APBA1: variants seen among roughly 807,000 people sequenced by gnomAD.
APBA1 encodes amyloid-beta A4 precursor protein-binding family A member 1.
Under a neutral mutation model 86.6 loss-of-function variants are expected in APBA1, and 55 were observed. The observed-to-expected ratio is 0.64, with a 90% confidence interval of 0.51 to 0.80. APBA1 has a LOEUF of 0.80. Among genes scored for constraint, APBA1 ranks in the 30% least tolerant of loss-of-function variants. APBA1 has a pLI of 0.00. For synonymous variants in APBA1, 511 were observed against 493.9 expected (o/e 1.03, Z -0.46); for missense variants, 1,090 against 1,183.0 (o/e 0.92, Z 1.15).
chr9:69,666,161 AT>A (rs1328655325), intron 1 of APBA1, among the ~76,000 whole-genome samples: 8 of 152,256 alleles, frequency 5.3e-5, no homozygotes, highest in African/African-American at 1.4e-4. Flanking sequence ...AAAGCATTTT[AT>A]TGTGAATTCC....
At chr9:69,496,843 C>T (rs1835806369) in intron 2 of APBA1, among the ~76,000 whole-genome samples, 1 of 152,018 alleles carries the variant, frequency 6.6e-6, no homozygotes, top group East Asian at 1.9e-4. Context: ...CAGCCATTTC[C>T]CCCATTATCA....
chr9:69,547,080 T>G (rs1330329), intron 1 of APBA1, among the ~76,000 whole-genome samples: 124,004 of 152,186 alleles, frequency 0.81, 50,636 homozygotes, highest in East Asian at 0.91. Flanking sequence ...AGTCTTTAGA[T>G]TGAGAATCAA....
chr9:69,612,730 T>C (rs185881479), intron 1 of APBA1, among the ~76,000 whole-genome samples: 12 of 151,930 alleles, frequency 7.9e-5, no homozygotes, highest in Middle Eastern at 3.4e-3. Flanking sequence ...GTGAGAAAAA[T>C]TGTAAGAAAA....
At chr9:69,546,450 G>T (rs771082201) in intron 1 of APBA1, among the ~76,000 whole-genome samples, 5 of 152,168 alleles carry the variant, frequency 3.3e-5, no homozygotes, top group Non-Finnish European at 5.9e-5. Flanking sequence ...AAGAAAACTG[G>T]AGGGAGTAAG....
At chr9:69,524,103 A>G (rs1437956331) in intron 1 of APBA1, among the ~76,000 whole-genome samples, 1 of 152,180 alleles carries the variant, frequency 6.6e-6, no homozygotes, top group African/African-American at 2.4e-5. Flanking sequence ...AGGAGAGTTT[A>G]TAGTGCTAAA....
At position 69,476,276 on chromosome 9, in the gene APBA1, T is replaced by C. The variant is rs530389526; in HGVS notation, c.1201-133A>G. Reference sequence around the variant, plus strand: ...GACACTGCAGTGGGGAGAAAACCTCTTAAAAAGGAGCTGCCAACTGTACAT... The same window carrying C: ...GACACTGCAGTGGGGAGAAAACCTCCTAAAAAGGAGCTGCCAACTGTACAT... On this transcript the variant is annotated intron_variant, in intron 2 of 12. Coordinates refer to ENST00000265381, the MANE Select transcript of APBA1 (RefSeq NM_001163.4). 6.5e-6 allele frequency: 4 copies of C among 611,858 alleles called. No homozygotes were observed. In the South Asian group the frequency reaches 6.6e-5, roughly 10 times the overall value. 37.9% of individuals were successfully genotyped at this position (611,858 alleles called of 1,614,324 possible).
At chr9:69,631,713 A>G (rs182729106) in intron 1 of APBA1, among the ~76,000 whole-genome samples, 240 of 152,358 alleles carry the variant, frequency 1.6e-3, no homozygotes, top group African/African-American at 5.4e-3. Context: ...GCACCATGGA[A>G]TACTATGCAG....
At chr9:69,499,665 C>T (rs12378157) in intron 2 of APBA1, among the ~76,000 whole-genome samples, 917 of 71,804 alleles carry the variant, frequency 0.013, 5 homozygotes, top group East Asian at 0.017. Context: ...TAGCAACGGT[C>T]CAAAAAAAAA....
chr9:69,515,917 G>A (rs1191248481), intron 2 of APBA1, 94 bp downstream of exon 2: 5 of 1,350,338 alleles, frequency 3.7e-6, no homozygotes, highest in Non-Finnish European at 4.0e-6. Context: ...ACTACTTCCC[G>A]TAAAGTCACT....
intron 5 of APBA1, chr9:69,463,296 A>G (rs1391507505): frequency 6.6e-6 from 1 of 151,870 alleles, no homozygotes; most frequent in Non-Finnish European, 1.5e-5. Context: ...ATTTATTCCT[A>G]AAGGGCCTAT....
At chr9:69,554,125 A>G (rs1464073029) in intron 1 of APBA1, among the ~76,000 whole-genome samples, 1 of 152,204 alleles carries the variant, frequency 6.6e-6, no homozygotes. Flanking sequence ...AAAAAGCAAC[A>G]TATTCAAATA....
chr9:69,600,692 G>A (rs60759202), intron 1 of APBA1, among the ~76,000 whole-genome samples: 13,444 of 151,782 alleles, frequency 0.089, 939 homozygotes, highest in African/African-American at 0.19. Context: ...CCAGCTACTC[G>A]GGGGGCTGAG....
chr9:69,616,793 C>G (rs927857279), intron 1 of APBA1, among the ~76,000 whole-genome samples: 15 of 152,150 alleles, frequency 9.9e-5, no homozygotes, highest in Middle Eastern at 3.2e-3. Flanking sequence ...GAGGGAAAAT[C>G]AAAACCCAAG....
intron 1 of APBA1, among the ~76,000 whole-genome samples, chr9:69,532,227 T>C (rs1313210596): frequency 6.6e-6 from 1 of 152,222 alleles, no homozygotes; most frequent in African/African-American, 2.4e-5. Flanking sequence ...AATTTTTCTG[T>C]AAATCTATGC....
At chr9:69,576,870 ATTAT>A (rs1391745408) in intron 1 of APBA1, among the ~76,000 whole-genome samples, 2 of 152,340 alleles carry the variant, frequency 1.3e-5, no homozygotes, top group East Asian at 1.9e-4. Context: ...AAAATTATGC[ATTAT>A]TTGTGTGATA....
chr9:69,648,114 A>T (rs1426850578), intron 1 of APBA1, among the ~76,000 whole-genome samples: 2 of 152,250 alleles, frequency 1.3e-5, no homozygotes, highest in African/African-American at 4.8e-5. Context: ...CCTGTCAGGA[A>T]GTGAAGAGCG....
In APBA1 at chr9:69,435,161, A is replaced by G. The variant is rs549154729; in HGVS notation, c.2302-2485T>C. 2.4e-3 allele frequency among the ~76,000 whole-genome samples: 362 copies of G among 152,034 alleles called. 2 individuals carry two copies. Among genetic ancestry groups the G allele is most frequent in the African/African-American group, 8.1e-3 (335 of 41,444 alleles). ...ATGGCTGCATAGTATTCCATGGTGT[A>G]TATGTGCCACATTTTCTTAATCTAG... On this transcript the variant is annotated intron_variant, in intron 11 of 12. Transcript: ENST00000265381.
intron 1 of APBA1, among the ~76,000 whole-genome samples, chr9:69,640,152 T>C (rs1167631534): frequency 1.3e-5 from 2 of 152,154 alleles, no homozygotes; most frequent in Non-Finnish European, 2.9e-5. Flanking sequence ...TGCCCATCTA[T>C]TTTGCATATG....
In APBA1 at chr9:69,442,161, G is replaced by A. The variant is rs183192471; in HGVS notation, c.2182-1046C>T. Among the ~76,000 whole-genome samples, 604 of 152,298 alleles carry A rather than the reference G, an allele frequency of 4.0e-3. 3 individuals carry two copies. The highest frequency in any genetic ancestry group is 6.8e-3 in the Middle Eastern group (2 of 294). On this transcript the variant is annotated intron_variant, in intron 10 of 12. Coordinates refer to ENST00000265381, the MANE Select transcript of APBA1 (RefSeq NM_001163.4). The stretch of plus-strand genomic sequence containing the variant: ...TGTCCACTTCCAGTCTCCCCAGGGT[G>A]CCTGCTGTGCCTCAACAAACTCCTC...
Sources: gnomAD v4.1 joint callset for allele counts (sites outside exome capture counted in the v4.1 genomes callset) on GRCh38, gnomAD v4.1.1 for gene constraint, MANE v1.5 for transcripts, NCBI Gene and HGNC (gene_info 2026-07-23, HGNC 2026-07-21) for gene names.